Variants in NXN observed in about 807,000 individuals in gnomAD.
NXN encodes nucleoredoxin, also known as nucleoredoxin 1.
A neutral mutation model predicts 48.6 loss-of-function variants in NXN; 16 were observed. The ratio of observed to expected loss-of-function variants is 0.33; its 90% CI spans 0.22 to 0.50. NXN has a LOEUF of 0.50. NXN is among the 20% of genes least tolerant of loss of function. The probability of loss-of-function intolerance (pLI) is 0.98; values close to 1 mark genes in which losing one functional copy is unlikely to be tolerated. For synonymous variants in NXN, 281 were observed against 269.6 expected (o/e 1.04, Z -0.41); for missense variants, 492 against 605.5 (o/e 0.81, Z 1.97).
intron 5 of NXN, among the ~76,000 whole-genome samples, chr17:814,335 C>T (rs943847878): frequency 1.3e-5 from 2 of 152,116 alleles, no homozygotes; most frequent in African/African-American, 4.8e-5. Flanking sequence ...CTGGCCTGAG[C>T]GTTGGCCACC....
intron 1 of NXN, among the ~76,000 whole-genome samples, chr17:921,380 C>A (rs1414621519): frequency 6.6e-6 from 1 of 152,120 alleles, no homozygotes; most frequent in Non-Finnish European, 1.5e-5. Flanking sequence ...CAACACCCAG[C>A]GGAACCCGTC....
chr17:950,551 A>G (rs1359411194), intron 1 of NXN, among the ~76,000 whole-genome samples: 1 of 151,772 alleles, frequency 6.6e-6, no homozygotes, highest in Non-Finnish European at 1.5e-5. Flanking sequence ...AGAACTTTCT[A>G]TATCTGGTGT....
At chr17:895,682 G>C (rs1033672253) in intron 1 of NXN, among the ~76,000 whole-genome samples, 4 of 151,058 alleles carry the variant, frequency 2.6e-5, no homozygotes, top group African/African-American at 4.9e-5. Flanking sequence ...GCCAGGCGTG[G>C]TGGTGGGCAC....
At chr17:957,812 C>G (rs1475714277) in intron 1 of NXN, among the ~76,000 whole-genome samples, 1 of 152,028 alleles carries the variant, frequency 6.6e-6, no homozygotes, top group Admixed American at 6.6e-5. Flanking sequence ...CTTTCTCAGT[C>G]CAAGCCCAGA....
chr17:966,858 T>TG (rs1279695094), intron 1 of NXN, among the ~76,000 whole-genome samples: 1 of 67,820 alleles, frequency 1.5e-5, no homozygotes, highest in African/African-American at 6.0e-5. Context: ...ATGGCCTGGG[T>TG]GGGGGGGAAG....
chr17:872,647 T>A (rs1461895005), intron 1 of NXN, among the ~76,000 whole-genome samples: 1 of 129,214 alleles, frequency 7.7e-6, no homozygotes, highest in Non-Finnish European at 1.6e-5. Flanking sequence ...TGAGACGGAG[T>A]TTCCCTCTTG....
At chr17:843,064 A>AAAGC (rs200717420) in intron 1 of NXN, among the ~76,000 whole-genome samples, 3 of 138,130 alleles carry the variant, frequency 2.2e-5, no homozygotes, top group Admixed American at 7.1e-5. Context: ...AAGAAGGAAG[A>AAAGC]AAGCAAGCAA....
intron 1 of NXN, among the ~76,000 whole-genome samples, chr17:877,303 A>C (rs953327875): frequency 2.0e-5 from 3 of 151,722 alleles, no homozygotes; most frequent in African/African-American, 4.8e-5. Flanking sequence ...CCCGCCACCA[A>C]GCCCGGCTAA....
chr17:912,680 C>T (rs1257192576), intron 1 of NXN, among the ~76,000 whole-genome samples: 1 of 152,164 alleles, frequency 6.6e-6, no homozygotes, highest in Non-Finnish European at 1.5e-5. Flanking sequence ...CAGTGGCTCA[C>T]ACCTGTAATC....
At chr17:872,946 G>T (rs563667318) in intron 1 of NXN, among the ~76,000 whole-genome samples, 7 of 152,030 alleles carry the variant, frequency 4.6e-5, no homozygotes, top group African/African-American at 1.7e-4. Context: ...CAGCAGACTC[G>T]GAATATAAAG....
At chr17:835,184 T>C (rs1913738086) in intron 1 of NXN, among the ~76,000 whole-genome samples, 1 of 151,262 alleles carries the variant, frequency 6.6e-6, no homozygotes, top group Admixed American at 6.6e-5. Context: ...GACGGGTGCC[T>C]GTACTCCCAG....
intron 5 of NXN, among the ~76,000 whole-genome samples, chr17:812,726 T>C (rs545814230): frequency 2.4e-4 from 34 of 142,786 alleles, no homozygotes; most frequent in Non-Finnish European, 4.2e-4. Flanking sequence ...GTGTAGGGTG[T>C]GTGAGTGTAG....
chr17:801,762 G>A (rs1367811651), intron 7 of NXN, among the ~76,000 whole-genome samples: 1 of 152,128 alleles, frequency 6.6e-6, no homozygotes. Context: ...CATAGCCTCT[G>A]ATTGTTTATT....
At chr17:906,550 T>C (rs1292476910) in intron 1 of NXN, among the ~76,000 whole-genome samples, 3 of 133,894 alleles carry the variant, frequency 2.2e-5, no homozygotes, top group Admixed American at 1.8e-4. Context: ...AGGAAGTGTT[T>C]TGGGGTTTTT....
At chr17:808,514 C>T (rs906866531) in intron 5 of NXN, among the ~76,000 whole-genome samples, 5 of 152,094 alleles carry the variant, frequency 3.3e-5, no homozygotes, top group South Asian at 2.1e-4. Flanking sequence ...AGGATGGTCT[C>T]GAACTCCCGA....
At chr17:805,370 C>G in intron 5 of NXN, 123 bp from the exon 6 acceptor site, 1 of 1,051,810 alleles carries the variant, frequency 9.5e-7, no homozygotes. Context: ...GGACCTGGTA[C>G]AGGCTCACAA....
At chr17:836,396 CTG>C in intron 1 of NXN, among the ~76,000 whole-genome samples, 1 of 152,236 alleles carries the variant, frequency 6.6e-6, no homozygotes, top group African/African-American at 2.4e-5. Flanking sequence ...AACGTCACCC[CTG>C]CCCTCCAGCC....
In NXN at chr17:842,418, C is replaced by G. The variant is rs1025235463; in HGVS notation, c.361-16340G>C. 7.4e-6 allele frequency: 5 copies of G among 673,446 alleles called. No homozygotes were observed. The African/African-American group carries it at 9.9e-5, about 13-fold the overall frequency. 41.7% of individuals were successfully genotyped at this position (673,446 alleles called of 1,614,324 possible). ...GCAGTGCTGCACATGGCCGGGAGCCCGGGTCCGGCTGTGGGCTGCAGTTCC... is the reference window on the plus strand; with the variant it reads ...GCAGTGCTGCACATGGCCGGGAGCCGGGGTCCGGCTGTGGGCTGCAGTTCC... On this transcript the variant is annotated intron_variant, in intron 1 of 7. Coordinates refer to ENST00000336868, the MANE Select transcript of NXN (RefSeq NM_022463.5).
intron 5 of NXN, among the ~76,000 whole-genome samples, chr17:809,744 G>A (rs1466179991): frequency 3.4e-5 from 5 of 147,720 alleles, no homozygotes; most frequent in South Asian, 2.2e-4. Flanking sequence ...ATAGCGACAC[G>A]GCAAATTTTT....
Sources: gnomAD v4.1 joint callset for allele counts (sites outside exome capture counted in the v4.1 genomes callset) on GRCh38, gnomAD v4.1.1 for gene constraint, MANE v1.5 for transcripts, NCBI Gene and HGNC (gene_info 2026-07-23, HGNC 2026-07-21) for gene names.